The following TRAPPC9 variants were observed in gnomAD, a reference collection of about 807,000 sequenced individuals.
TRAPPC9 encodes trafficking protein particle complex subunit 9, also known as IKK2 binding protein.
In TRAPPC9, 83 loss-of-function variants were observed where a neutral mutation model predicts 124.0. The observed-to-expected ratio is 0.67, with a 90% confidence interval of 0.56 to 0.80. The LOEUF is 0.80. Among genes scored for constraint, TRAPPC9 ranks in the 30% least tolerant of loss-of-function variants. The pLI, the probability that TRAPPC9 is intolerant of heterozygous loss-of-function variation, is 0.00. For missense variants in TRAPPC9, 1,302 were observed against 1,508.3 expected, an observed-to-expected ratio of 0.86 and a Z score of 2.27; for synonymous variants, 638 against 617.5, an observed-to-expected ratio of 1.03 and a Z score of -0.49.
At chr8:140,261,659 C>T (rs2064416615) in intron 15 of TRAPPC9, among the ~76,000 whole-genome samples, 1 of 152,150 alleles carries the variant, frequency 6.6e-6, no homozygotes, top group Non-Finnish European at 1.5e-5. Flanking sequence ...CAGGAGTGTA[C>T]AACTAAATTC....
chr8:140,237,169 A>G (rs2063749439), intron 16 of TRAPPC9, among the ~76,000 whole-genome samples: 1 of 152,076 alleles, frequency 6.6e-6, no homozygotes, highest in Non-Finnish European at 1.5e-5. Flanking sequence ...CGAAACAGTG[A>G]GACTTCATCT....
intron 20 of TRAPPC9, among the ~76,000 whole-genome samples, chr8:139,901,194 C>T (rs1246374781): frequency 1.3e-5 from 2 of 152,074 alleles, no homozygotes; most frequent in Non-Finnish European, 2.9e-5. Flanking sequence ...GTTGGGTCAT[C>T]TCTCCCTGCT....
At chr8:140,158,600 A>G (rs1422818767) in intron 17 of TRAPPC9, among the ~76,000 whole-genome samples, 2 of 152,262 alleles carry the variant, frequency 1.3e-5, no homozygotes, top group Non-Finnish European at 2.9e-5. Flanking sequence ...AATAAGAACT[A>G]CATATATGTT....
chr8:140,089,201 C>A (rs1844405747), intron 17 of TRAPPC9, among the ~76,000 whole-genome samples: 1 of 152,216 alleles, frequency 6.6e-6, no homozygotes, highest in African/African-American at 2.4e-5. Flanking sequence ...TTCTCTCCCA[C>A]TGGGCAGCCC....
At chr8:140,117,018 C>T (rs1297533224) in intron 17 of TRAPPC9, among the ~76,000 whole-genome samples, 1 of 151,516 alleles carries the variant, frequency 6.6e-6, no homozygotes, top group African/African-American at 2.4e-5. Context: ...AGGCTGGATC[C>T]ACACGAACAG....
chr8:139,941,153 G>A (rs1833892503), intron 19 of TRAPPC9, among the ~76,000 whole-genome samples: 1 of 152,224 alleles, frequency 6.6e-6, no homozygotes, highest in African/African-American at 2.4e-5. Context: ...CCTTGGGCAG[G>A]CACGATTGGC....
At chr8:140,071,303 C>G (rs750621537) in intron 17 of TRAPPC9, among the ~76,000 whole-genome samples, 2 of 152,224 alleles carry the variant, frequency 1.3e-5, no homozygotes, top group Non-Finnish European at 2.9e-5. Flanking sequence ...GCCCTCGACA[C>G]TCACAGTCTC....
At chr8:139,967,329 C>T (rs991654022) in intron 19 of TRAPPC9, among the ~76,000 whole-genome samples, 1 of 147,532 alleles carries the variant, frequency 6.8e-6, no homozygotes, top group Non-Finnish European at 1.5e-5. Flanking sequence ...GCAATAGACA[C>T]AGAACTTAAA....
chr8:140,037,883 C>CACACCTCCA (rs1841012687), intron 17 of TRAPPC9, among the ~76,000 whole-genome samples: 5 of 138,368 alleles, frequency 3.6e-5, no homozygotes, highest in African/African-American at 1.3e-4. Flanking sequence ...ACCTCCAACA[C>CACACCTCCA]ACACACACAC....
At chr8:140,048,333 A>C (rs1484607680) in intron 17 of TRAPPC9, among the ~76,000 whole-genome samples, 4 of 152,232 alleles carry the variant, frequency 2.6e-5, no homozygotes, top group African/African-American at 9.6e-5. Flanking sequence ...GGTAACACTC[A>C]GATGGCATAA....
chr8:139,872,621 T>C (rs1829021797), intron 21 of TRAPPC9, among the ~76,000 whole-genome samples: 1 of 148,878 alleles, frequency 6.7e-6, no homozygotes, highest in African/African-American at 2.5e-5. Flanking sequence ...GGTGGGCTGG[T>C]GGACGGGTTG....
intron 18 of TRAPPC9, among the ~76,000 whole-genome samples, chr8:140,006,766 C>T (rs1348908376): frequency 1.3e-5 from 2 of 152,178 alleles, no homozygotes; most frequent in Admixed American, 6.5e-5. Context: ...CTAGAGTAAG[C>T]AAATCTAGAG....
At chr8:140,387,104 G>C (rs1228564647) in intron 7 of TRAPPC9, among the ~76,000 whole-genome samples, 1 of 152,106 alleles carries the variant, frequency 6.6e-6, no homozygotes, top group Non-Finnish European at 1.5e-5. Context: ...TGGGAAAACT[G>C]GCCAGCCATA....
intron 10 of TRAPPC9, among the ~76,000 whole-genome samples, chr8:140,310,362 T>G (rs2066261489): frequency 6.6e-6 from 1 of 152,116 alleles, no homozygotes; most frequent in African/African-American, 2.4e-5. Context: ...TAAAGATACT[T>G]AGCATCTTCA....
chr8:139,746,136 G>A (rs1303547062), intron 21 of TRAPPC9, among the ~76,000 whole-genome samples: 9 of 152,304 alleles, frequency 5.9e-5, no homozygotes, highest in East Asian at 1.9e-4. Context: ...AATCGCCGCC[G>A]GTGGCACCTC....
intron 9 of TRAPPC9, among the ~76,000 whole-genome samples, chr8:140,337,471 G>A (rs1245301245): frequency 6.6e-6 from 1 of 152,182 alleles, no homozygotes; most frequent in African/African-American, 2.4e-5. Flanking sequence ...AATCAAGCTT[G>A]AGCAGGCCAG....
At chr8:139,929,430 C>A (rs1207021021) in intron 19 of TRAPPC9, among the ~76,000 whole-genome samples, 1 of 151,850 alleles carries the variant, frequency 6.6e-6, no homozygotes, top group African/African-American at 2.4e-5. Flanking sequence ...TGGTCCCAGG[C>A]TTACAATAAA....
chr8:139,799,362 A>C (rs1475458724), intron 21 of TRAPPC9, among the ~76,000 whole-genome samples: 1 of 152,128 alleles, frequency 6.6e-6, no homozygotes, highest in African/African-American at 2.4e-5. Flanking sequence ...CATGCACACG[A>C]TCCAGAGATG....
intron 21 of TRAPPC9, among the ~76,000 whole-genome samples, chr8:139,822,013 C>A (rs1159615438): frequency 6.6e-6 from 1 of 152,208 alleles, no homozygotes; most frequent in African/African-American, 2.4e-5. Flanking sequence ...TCTTTCTCGG[C>A]ACAATGGCTT....
Sources: allele counts gnomAD v4.1 joint callset (sites outside exome capture counted in the v4.1 genomes callset), GRCh38; gene constraint gnomAD v4.1.1; transcripts MANE v1.5; gene names NCBI Gene and HGNC (gene_info 2026-07-23, HGNC 2026-07-21).